The following SAMHD1 variants were observed in gnomAD, a reference collection of about 807,000 sequenced individuals.
The protein encoded by SAMHD1 is SAM and HD domain containing deoxynucleoside triphosphate triphosphohydrolase 1.
A neutral mutation model predicts 79.6 loss-of-function variants in SAMHD1; 54 were observed. The ratio of observed to expected loss-of-function variants is 0.68; its 90% CI spans 0.55 to 0.85. The LOEUF (loss-of-function observed/expected upper bound fraction) is 0.85, where lower values mean the gene tolerates loss of function less well. Ranked by LOEUF, SAMHD1 falls within the 40% of genes least tolerant of loss-of-function variation. SAMHD1 has a pLI of 0.00. For missense variants in SAMHD1, 663 were observed against 782.7 expected (o/e 0.85, Z 1.82); for synonymous variants, 260 against 264.1 (o/e 0.98, Z 0.15).
chr20:36,924,817 G>A (rs1325076075), intron 6 of SAMHD1, among the ~76,000 whole-genome samples: 1 of 152,034 alleles, frequency 6.6e-6, no homozygotes, highest in African/African-American at 2.4e-5. Flanking sequence ...GTTAATAAAT[G>A]TTGGGGTTGG....
chr20:36,949,763 A>G (rs1233010349), intron 1 of SAMHD1, among the ~76,000 whole-genome samples: 1 of 145,730 alleles, frequency 6.9e-6, no homozygotes, highest in East Asian at 1.9e-4. Context: ...CTCAAAAAAA[A>G]AAAAAAAAAA....
intron 9 of SAMHD1, among the ~76,000 whole-genome samples, chr20:36,915,681 G>A (rs2063469922): frequency 1.3e-5 from 2 of 151,576 alleles, no homozygotes; most frequent in South Asian, 4.2e-4. Flanking sequence ...AGCTTGCAGT[G>A]AGCCGAGATC....
chr20:36,906,024 C>G (rs1282687214), intron 11 of SAMHD1, among the ~76,000 whole-genome samples: 2 of 151,724 alleles, frequency 1.3e-5, no homozygotes, highest in African/African-American at 4.8e-5. Flanking sequence ...TCCAGGTAAT[C>G]CAGAGAGTGG....
intron 5 of SAMHD1, among the ~76,000 whole-genome samples, chr20:36,928,214 C>T (rs1177000286): frequency 2.7e-5 from 4 of 150,440 alleles, no homozygotes; most frequent in African/African-American, 9.8e-5. Flanking sequence ...TGGTAAAAAC[C>T]CTGTCTCTAC....
chr20:36,942,198 C>G (rs1470095946), intron 2 of SAMHD1, among the ~76,000 whole-genome samples: 1 of 152,150 alleles, frequency 6.6e-6, no homozygotes, highest in East Asian at 1.9e-4. Context: ...GGTGGATCAC[C>G]TGAGGTTGGG....
At chr20:36,906,099 T>C (rs2063403721) in intron 11 of SAMHD1, among the ~76,000 whole-genome samples, 1 of 151,970 alleles carries the variant, frequency 6.6e-6, no homozygotes, top group South Asian at 2.1e-4. Flanking sequence ...GATGGGCACA[T>C]AAAGGTGTAT....
At position 36,893,076 on chromosome 20, in the gene SAMHD1, A is replaced by G. The variant is rs1990119052; in HGVS notation, c.1747-10T>C. 3.7e-6 allele frequency: 6 copies of G among 1,612,106 alleles called. No individual in the cohort carries two copies. The highest frequency in any genetic ancestry group is 5.1e-6 in the Non-Finnish European group (6 of 1,179,946). The stretch of plus-strand genomic sequence containing the variant: ...CTATAACATCGCCATCCTATTAGGA[A>G]GAGAGAGAAAAACAGGCAATAGAGA... On this transcript the variant is annotated splice_polypyrimidine_tract_variant and intron_variant, in intron 15 of 15. Transcript: ENST00000646673.
At chr20:36,909,680 CAAAAAAAA>C (rs56389967) in intron 11 of SAMHD1, among the ~76,000 whole-genome samples, 1 of 121,212 alleles carries the variant, frequency 8.3e-6, no homozygotes, top group African/African-American at 3.8e-5. Flanking sequence ...CACCCCCCTC[CAAAAAAAA>C]AAAAAAAAAA....
At chr20:36,909,910 T>C (rs769112160) in intron 11 of SAMHD1, among the ~76,000 whole-genome samples, 10 of 151,936 alleles carry the variant, frequency 6.6e-5, no homozygotes, top group Non-Finnish European at 1.3e-4. Flanking sequence ...AATGGGACCC[T>C]GTCTCTACAA....
intron 14 of SAMHD1, among the ~76,000 whole-genome samples, chr20:36,898,182 C>T (rs1990233249): frequency 6.6e-6 from 1 of 152,146 alleles, no homozygotes; most frequent in South Asian, 2.1e-4. Context: ...CAGGCATGAG[C>T]TACCATGCCT....
rs1227720387 is a variant in SAMHD1, at chr20:36,890,836, A to C, written c.*2096T>G. ...CTCATAATGGAAACAGTTGCAAAGA[A>C]CATAAAGTACAGCTGCGTTACATGT... On this transcript the variant is annotated 3_prime_UTR_variant, in exon 16 of 16. Coordinates refer to ENST00000646673, the MANE Select transcript of SAMHD1 (RefSeq NM_015474.4). The C allele has an allele frequency of 1.3e-5, 2 of 152,244 alleles. No individual in the cohort carries two copies. The highest frequency in any genetic ancestry group is 2.9e-5 in the Non-Finnish European group (2 of 68,052). 9.4% of individuals were successfully genotyped at this position (152,244 alleles called of 1,614,324 possible).
At chr20:36,894,031 A>G in intron 15 of SAMHD1, 1 of 397,516 alleles carries the variant, frequency 2.5e-6, no homozygotes, top group Non-Finnish European at 4.4e-6. Context: ...TAGCTTTTGC[A>G]GGTGGCCCCA....
intron 3 of SAMHD1, 182 bp downstream of exon 3, chr20:36,940,854 GTTC>G (rs989895538): frequency 1.1e-4 from 70 of 614,736 alleles, no homozygotes; most frequent in South Asian, 4.9e-4. Context: ...ACATATTTTA[GTTC>G]TTCTTCTGAT....
At chr20:36,906,376 TG>T (rs1381756553) in intron 11 of SAMHD1, among the ~76,000 whole-genome samples, 4 of 152,206 alleles carry the variant, frequency 2.6e-5, no homozygotes, top group African/African-American at 7.2e-5. Flanking sequence ...AGGTGGAGGT[TG>T]CAGTGAGCCG....
At position 36,916,742 on chromosome 20, in the gene SAMHD1, G is replaced by A. The variant is rs761561066; in HGVS notation, c.1042C>T (p.Arg348Cys). The A allele has an allele frequency of 8.1e-6, 13 of 1,612,538 alleles. No homozygotes were observed. The highest frequency in any genetic ancestry group is 1.1e-5 in the South Asian group (1 of 91,048). Residue 348 changes from arginine (R) to cysteine (C), a missense_variant, in exon 9 of 16, where the codon CGT (arginine) becomes TGT (cysteine). Arg to Cys is a radical substitution (Grantham distance 180). Coordinates refer to ENST00000646673, the MANE Select transcript of SAMHD1 (RefSeq NM_015474.4). The stretch of plus-strand genomic sequence containing the variant: ...CTTACCTTATCTCTAGCACAAATAC[G>A]CAACTCATTGTCTACTTCACAGACA... ...ARVCEVDNEL[R>C]ICARDKEVGN...
rs1216724127 is a variant in SAMHD1, at chr20:36,935,142, G to C, written c.396C>G (p.Leu132=). 1.1e-5 allele frequency: 18 copies of C among 1,613,648 alleles called. No homozygotes were observed. Among genetic ancestry groups the C allele is most frequent in the Non-Finnish European group, 1.4e-5 (17 of 1,179,538 alleles). ...ATTGAGGTGTATCAATGATTCGGAC[G>C]AGGAGAGGGTGGAGCTCAATGTGGC... is the stretch of plus-strand genomic sequence containing the variant. ...IHGHIELHPL[L]VRIIDTPQFQ... Residue 132 remains leucine (L), a synonymous_variant, in exon 4 of 16, where the codon CTC becomes CTG. Transcript: ENST00000646673.
intron 6 of SAMHD1, 149 bp downstream of exon 6, chr20:36,927,031 CAT>C (rs111873191): frequency 0.014 from 7,998 of 561,604 alleles, no homozygotes; most frequent in East Asian, 0.017. Flanking sequence ...CAAACAAAAG[CAT>C]ATATATATAT....
At chr20:36,928,530 C>T (rs1193022953) in intron 5 of SAMHD1, among the ~76,000 whole-genome samples, 1 of 151,026 alleles carries the variant, frequency 6.6e-6, no homozygotes, top group African/African-American at 2.4e-5. Flanking sequence ...ACTAAAAATA[C>T]AAAAATTAGG....
chr20:36,947,511 GT>G (rs2063699707), intron 1 of SAMHD1, among the ~76,000 whole-genome samples: 2 of 132,612 alleles, frequency 1.5e-5, no homozygotes, highest in Non-Finnish European at 3.2e-5. Flanking sequence ...GTGTGTGTGT[GT>G]GTCCTGGGAA....
Sources: gnomAD v4.1 joint callset for allele counts (sites outside exome capture counted in the v4.1 genomes callset) on GRCh38, gnomAD v4.1.1 for gene constraint, MANE v1.5 for transcripts, NCBI Gene and HGNC (gene_info 2026-07-23, HGNC 2026-07-21) for gene names.